The following MAX variants were observed in gnomAD, a reference collection of about 807,000 sequenced individuals.
The protein encoded by MAX is MYC associated transcriptional regulator X.
MAX carries 3 observed loss-of-function variants against 22.3 expected under a neutral mutation model. The observed-to-expected ratio is 0.13, with a 90% CI of 0.06 to 0.35. The LOEUF (loss-of-function observed/expected upper bound fraction) is 0.35. Ranked by LOEUF, MAX falls within the 10% of genes least tolerant of loss-of-function variation. MAX has a pLI of 1.00. For missense variants in MAX, 119 were observed against 209.4 expected (o/e 0.57, Z 2.66); for synonymous variants, 72 against 77.7 (o/e 0.93, Z 0.39).
rs531471652 is a variant in MAX, at chr14:65,044,299, G to A, written c.172-38015C>T. ...TAGCCTACAACTGCCTTTCCCATCT[G>A]TGTCTCCTCAGCAATGGGTGACAAG... On this transcript the variant is annotated intron_variant, in intron 3 of 3. Coordinates refer to the MAX transcript ENST00000341653. The surrounding 1 kb of genome is among the most constrained non-coding windows in gnomAD (Gnocchi z 5.5). 8.9e-5 allele frequency: 143 copies of A among 1,612,356 alleles called. 1 individual carries two copies. The South Asian group carries it at 1.5e-3, about 17-fold the overall frequency.
At position 65,079,719 on chromosome 14, in the gene MAX, T is replaced by C. The variant is rs1361955962; in HGVS notation, c.172-1683A>G. Among the ~76,000 whole-genome samples, 1 of 152,014 alleles carries C rather than the reference T, an allele frequency of 6.6e-6. No homozygotes were observed. Among genetic ancestry groups the C allele is most frequent in the Non-Finnish European group, 1.5e-5 (1 of 68,012 alleles). On this transcript the variant is annotated intron_variant, in intron 3 of 4. Coordinates refer to ENST00000358664, the MANE Select transcript of MAX (RefSeq NM_002382.5). The surrounding 1 kb of genome is among the most constrained non-coding windows in gnomAD (Gnocchi z 4.5). Reference sequence around the variant, plus strand: ...ACAAAGAAAACATGTACACCGTGGCTAGCAAAACCAGATCTACTCATATTA... The same window carrying C: ...ACAAAGAAAACATGTACACCGTGGCCAGCAAAACCAGATCTACTCATATTA...
At chr14:65,102,179 G>T (rs543437121) in intron 1 of MAX, 125 bp downstream of exon 1, 38 of 1,525,176 alleles carry the variant, frequency 2.5e-5, no homozygotes, top group Admixed American at 2.1e-4. Context: ...GGCACTCCTG[G>T]CCCCGAGGGG....
In MAX at chr14:65,031,192, G is replaced by A. The variant is rs1161025369; in HGVS notation, c.172-24908C>T. 6.6e-6 allele frequency among the ~76,000 whole-genome samples: 1 copy of A among 152,158 alleles called. No individual in the cohort carries two copies. The highest frequency in any genetic ancestry group is 2.4e-5 in the African/African-American group (1 of 41,440). On this transcript the variant is annotated intron_variant, in intron 3 of 3. Transcript: ENST00000341653. This position sits in a 1 kb window ranked among gnomAD's most constrained non-coding sequence, Gnocchi z 4.6. Reference sequence around the variant, plus strand: ...ATTTGAAAAAACCATAGAGGGGAAGGAAAGGCAGTCTGTGTGTGTATACCA... The same window carrying A: ...ATTTGAAAAAACCATAGAGGGGAAGAAAAGGCAGTCTGTGTGTGTATACCA...
At chr14:65,055,316 C>T (rs963434065) in intron 3 of MAX, among the ~76,000 whole-genome samples, 1 of 152,136 alleles carries the variant, frequency 6.6e-6, no homozygotes, top group African/African-American at 2.4e-5. Flanking sequence ...GGACATGAAT[C>T]CAATGGAGAC....
In MAX at chr14:65,084,256, C is replaced by A. The variant is rs188440951; in HGVS notation, c.172-6220G>T. 10 of 1,613,296 alleles carry A rather than the reference C, an allele frequency of 6.2e-6. No individual in the cohort carries two copies. Among genetic ancestry groups the A allele is most frequent in the Non-Finnish European group, 8.5e-6 (10 of 1,179,604 alleles). On this transcript the variant is annotated intron_variant, in intron 3 of 4. Transcript: ENST00000358664. This position sits in a 1 kb window ranked among gnomAD's most constrained non-coding sequence, Gnocchi z 4.3. Reference sequence around the variant, plus strand: ...GTGGCATTTCTGCATCAAACTTTGACGATGAAGGACAGGAGTACACAATTT... The same window carrying A: ...GTGGCATTTCTGCATCAAACTTTGAAGATGAAGGACAGGAGTACACAATTT...
Position 65,076,452 on chromosome 14 carries a change from TA to T in MAX, c.*23del. The T allele has an allele frequency of 1.2e-6, 2 of 1,612,596 alleles. No individual in the cohort carries two copies. Among genetic ancestry groups the T allele is most frequent in the Non-Finnish European group, 1.7e-6 (2 of 1,180,014 alleles). ...TGAGACGATGGAGACAGACAGTTTT[TA>T]TTGCTGGCCTGCCCCGAGTGGCTTA... On this transcript the variant is annotated 3_prime_UTR_variant, in exon 5 of 5. Coordinates refer to ENST00000358664, the MANE Select transcript of MAX (RefSeq NM_002382.5). This position sits in a 1 kb window ranked among gnomAD's most constrained non-coding sequence, Gnocchi z 6.6.
At chr14:65,050,735 A>G (rs533991023) in intron 3 of MAX, among the ~76,000 whole-genome samples, 1 of 152,344 alleles carries the variant, frequency 6.6e-6, no homozygotes, top group East Asian at 1.9e-4. Flanking sequence ...GGGCTACTCC[A>G]CAGGGATTGT....
chr14:65,052,793 A>G (rs2062644427), intron 3 of MAX, among the ~76,000 whole-genome samples: 1 of 152,222 alleles, frequency 6.6e-6, no homozygotes, highest in African/African-American at 2.4e-5. Context: ...AGACTTTATT[A>G]CCCATTAAGA....
intron 3 of MAX, among the ~76,000 whole-genome samples, chr14:65,066,015 C>T (rs527495217): frequency 2.6e-5 from 4 of 152,310 alleles, no homozygotes; most frequent in South Asian, 2.1e-4. Flanking sequence ...CTTCCACCAC[C>T]GCAGGCCTCT....
At chr14:65,089,782 A>T in intron 3 of MAX, 1 of 120,140 alleles carries the variant, frequency 8.3e-6, no homozygotes, top group African/African-American at 3.8e-5. Flanking sequence ...AAAAAAAAAA[A>T]AAAAAAAAAA....
At chr14:65,049,146 T>A (rs559831437) in intron 3 of MAX, among the ~76,000 whole-genome samples, 35 of 149,990 alleles carry the variant, frequency 2.3e-4, no homozygotes, top group Non-Finnish European at 4.6e-4. Context: ...AAAAAAGGCT[T>A]AAGAAATCTC....
At chr14:65,060,696 T>TAAAAA (rs2062843458) in intron 3 of MAX, among the ~76,000 whole-genome samples, 1 of 27,606 alleles carries the variant, frequency 3.6e-5, no homozygotes, top group African/African-American at 8.5e-4. Context: ...AGACTCCGTC[T>TAAAAA]CAAAAAAAAA....
rs147456119 is a variant in MAX at position 65,094,040 on chromosome 14, T to C, written c.64-225A>G. The C allele has an allele frequency of 7.6e-5, 44 of 580,012 alleles. No individual in the cohort carries two copies. The East Asian group carries it at 1.3e-3, about 17-fold the overall frequency. The allele number at this position is 580,012 out of a possible 1,614,324, so 35.9% of individuals were successfully genotyped here. A position where few individuals can be genotyped will look rare whatever the true frequency, so the allele number is the denominator to read the frequency against. ...GACAGGAACATCCAAAGTAGCTCGA[T>C]GCATCCAGCTCATGCATAAGTAAAA... On this transcript the variant is annotated intron_variant, in intron 2 of 4. Transcript: ENST00000358664.
Position 65,093,431 on chromosome 14 carries a change from TATA to T in MAX, c.171+274_171+276del. 2.2e-6 allele frequency: 1 copy of T among 451,804 alleles called. No homozygotes were observed. Among genetic ancestry groups the T allele is most frequent in the South Asian group, 2.1e-5 (1 of 46,906 alleles). The allele number at this position is 451,804 out of a possible 1,614,324, so 28.0% of individuals were successfully genotyped here. A position where few individuals can be genotyped will look rare whatever the true frequency, so the allele number is the denominator to read the frequency against. ...CACTCTTTATACTATAGTGTATAGT[TATA>T]ATTTCTTGAATTTATTACAAATAAT... is the stretch of plus-strand genomic sequence containing the variant. On this transcript the variant is annotated intron_variant, in intron 3 of 4. Transcript: ENST00000358664. The surrounding 1 kb of genome is among the most constrained non-coding windows in gnomAD (Gnocchi z 4.4).
chr14:65,048,829 C>T (rs990172353), intron 3 of MAX, among the ~76,000 whole-genome samples: 8 of 151,470 alleles, frequency 5.3e-5, no homozygotes, highest in Non-Finnish European at 1.2e-4. Context: ...CCAGCCTGAG[C>T]GACAGAGCAA....
chr14:65,038,809 T>C lies in MAX; in HGVS notation c.172-32525A>G, dbSNP rs74860918. 6.0e-3 allele frequency among the ~76,000 whole-genome samples: 919 copies of C among 152,326 alleles called. 33 individuals carry two copies. In the East Asian group the frequency reaches 0.11, roughly 19 times the overall value. On this transcript the variant is annotated intron_variant, in intron 3 of 3. Coordinates refer to the MAX transcript ENST00000341653. ...CTTATACTTTGAGAGATTCTCTTAG[T>C]ATTTATCTTCTAATCCTCTTGTTTT...
At chr14:65,070,427 G>A (rs1020847656), downstream of MAX, among the ~76,000 whole-genome samples, 3 of 152,102 alleles carry the variant, frequency 2.0e-5, no homozygotes, top group African/African-American at 7.2e-5. The surrounding 1 kb of genome is among the most constrained non-coding windows in gnomAD (Gnocchi z 4.4). Context: ...GCAGGCTGTG[G>A]GTATACAAGA....
chr14:65,061,278 A>T (rs1274307779), intron 3 of MAX: 6 of 1,614,162 alleles, frequency 3.7e-6, no homozygotes, highest in South Asian at 1.1e-5. Flanking sequence ...GAGGAGCTTA[A>T]GGATGAGACA....
At chr14:65,101,704 C>T in intron 1 of MAX, 132 bp from the exon 2 acceptor site, 1 of 705,336 alleles carries the variant, frequency 1.4e-6, no homozygotes, top group South Asian at 1.7e-5. Flanking sequence ...CCCCTTCCTC[C>T]CTCCCCACCC....
Sources: allele counts gnomAD v4.1 joint callset (sites outside exome capture counted in the v4.1 genomes callset), GRCh38; gene constraint gnomAD v4.1.1; non-coding constraint Gnocchi (gnomAD v3.1); transcripts MANE v1.5; gene names NCBI Gene and HGNC (gene_info 2026-07-23, HGNC 2026-07-21).